The following REEP3 variants were observed in gnomAD, a reference collection of about 807,000 sequenced individuals.
REEP3 encodes receptor accessory protein 3.
REEP3 carries 20 observed loss-of-function variants against 41.3 expected under a neutral mutation model. The observed-to-expected ratio is 0.48, with a 90% CI of 0.34 to 0.70. The LOEUF is 0.70. REEP3 is among the 30% of genes least tolerant of loss of function. The pLI is 0.01. For synonymous variants in REEP3, 104 were observed against 101.8 expected (o/e 1.02, Z -0.13); for missense variants, 271 against 308.8 (o/e 0.88, Z 0.92).
chr10:63,594,320 A>G (rs10761788), intron 2 of REEP3, among the ~76,000 whole-genome samples: 109,254 of 151,942 alleles, frequency 0.72, 39,644 homozygotes, highest in East Asian at 0.98. Context: ...CTGGAAGGTC[A>G]AGGCTGCAGT....
chr10:63,556,106 T>A (rs1318307163), intron 1 of REEP3, among the ~76,000 whole-genome samples: 1 of 152,050 alleles, frequency 6.6e-6, no homozygotes, highest in Non-Finnish European at 1.5e-5. Context: ...GGATTCCTCA[T>A]TGAGATTAAG....
chr10:63,608,128 C>T (rs912897789), intron 5 of REEP3, among the ~76,000 whole-genome samples: 2 of 152,106 alleles, frequency 1.3e-5, no homozygotes, highest in African/African-American at 4.8e-5. Flanking sequence ...ACAAGGCATC[C>T]GTTTCAGATG....
chr10:63,617,632 T>G (rs1956321325), intron 6 of REEP3, among the ~76,000 whole-genome samples: 1 of 151,944 alleles, frequency 6.6e-6, no homozygotes, highest in Non-Finnish European at 1.5e-5. Context: ...ACTCCTAAGC[T>G]TAAGCGAACC....
At chr10:63,521,619 AG>A (rs1190846726) in intron 1 of REEP3, 42 bp downstream of exon 1, 2 of 1,355,580 alleles carry the variant, frequency 1.5e-6, no homozygotes, top group Non-Finnish European at 1.9e-6. Context: ...CGCGAGGCCC[AG>A]GGGAGCTGTG....
chr10:63,619,873 T>A lies in REEP3; in HGVS notation c.711+73T>A. On this transcript the variant is annotated intron_variant, in intron 7 of 7. Coordinates refer to ENST00000373758, the MANE Select transcript of REEP3 (RefSeq NM_001001330.3). ...CCTGCTGTGTTATCATTTAGGATAT[T>A]AATGATCCATAAATGAAGGATTGGA... The A allele has an allele frequency of 1.1e-5, 13 of 1,195,516 alleles. No homozygotes were observed. The South Asian group carries it at 2.1e-4, about 19-fold the overall frequency. The allele number at this position is 1,195,516 out of a possible 1,614,324, so 74.1% of individuals were successfully genotyped here.
chr10:63,595,027 T>A (rs1956100808), intron 3 of REEP3, among the ~76,000 whole-genome samples, 173 bp downstream of exon 3: 1 of 152,146 alleles, frequency 6.6e-6, no homozygotes, highest in Non-Finnish European at 1.5e-5. Flanking sequence ...TTAGTCCCCA[T>A]CAAATAAAGG....
intron 1 of REEP3, among the ~76,000 whole-genome samples, chr10:63,559,859 A>G (rs1383703962): frequency 5.3e-5 from 8 of 152,168 alleles, no homozygotes; most frequent in Admixed American, 5.2e-4. Flanking sequence ...GTAGGAAAGG[A>G]TTTGAATGAT....
chr10:63,584,100 T>C (rs1955980833), intron 2 of REEP3, among the ~76,000 whole-genome samples: 1 of 152,216 alleles, frequency 6.6e-6, no homozygotes, highest in African/African-American at 2.4e-5. Context: ...CAGTGCAATG[T>C]TGCGACAGAG....
intron 3 of REEP3, among the ~76,000 whole-genome samples, chr10:63,597,689 A>C (rs1329338830): frequency 2.0e-5 from 3 of 152,192 alleles, no homozygotes; most frequent in Admixed American, 1.3e-4. Context: ...AGGTGGGCGG[A>C]TCACATGAGG....
At chr10:63,566,624 A>AT (rs1403331483) in intron 2 of REEP3, among the ~76,000 whole-genome samples, 1 of 152,222 alleles carries the variant, frequency 6.6e-6, no homozygotes, top group Non-Finnish European at 1.5e-5. Flanking sequence ...AAGATGAGTA[A>AT]TTGAATAGGT....
At chr10:63,576,626 G>A (rs965433261) in intron 2 of REEP3, among the ~76,000 whole-genome samples, 1 of 152,208 alleles carries the variant, frequency 6.6e-6, no homozygotes, top group African/African-American at 2.4e-5. Context: ...GTTTAGGACT[G>A]TGTGTTAGTC....
At chr10:63,597,650 G>A (rs1179156426) in intron 3 of REEP3, among the ~76,000 whole-genome samples, 3 of 152,168 alleles carry the variant, frequency 2.0e-5, no homozygotes, top group African/African-American at 7.2e-5. Flanking sequence ...TGTGGCTCAC[G>A]CCTGTAATCC....
At position 63,620,816 on chromosome 10, in the gene REEP3, C is replaced by CGGT. The variant is rs748904828; in HGVS notation, c.716_718dup (p.Arg239_Tyr240insTrp). 4 of 1,597,510 alleles carry CGGT rather than the reference C, an allele frequency of 2.5e-6. No individual in the cohort carries two copies. In the East Asian group the frequency reaches 9.0e-5, roughly 36 times the overall value. On this transcript the variant is annotated inframe_insertion, in exon 8 of 8. Transcript: ENST00000373758. ...AATAAAACATTTCTCTCTTCAGGTG[C>CGGT]GGTACGGGTCACTAAAATACAAAGT...
chr10:63,589,785 C>CTTTTT (rs59658061), intron 2 of REEP3, among the ~76,000 whole-genome samples: 4,024 of 80,564 alleles, frequency 0.05, 646 homozygotes, highest in Middle Eastern at 0.068. Context: ...AGCAGAACAT[C>CTTTTT]TTTTTTTTTT....
At chr10:63,595,326 CCAAATAGACGAGG>C (rs1344750559) in intron 3 of REEP3, among the ~76,000 whole-genome samples, 5 of 152,192 alleles carry the variant, frequency 3.3e-5, no homozygotes, top group Admixed American at 6.5e-5. Context: ...CTGCTCTGTT[CCAAATAGACGAGG>C]CAAAATTAAA....
chr10:63,522,498 A>G (rs761361418), intron 1 of REEP3, among the ~76,000 whole-genome samples: 1 of 152,180 alleles, frequency 6.6e-6, no homozygotes, highest in Non-Finnish European at 1.5e-5. Context: ...TCACCAAGTA[A>G]ACAATGACGT....
intron 1 of REEP3, among the ~76,000 whole-genome samples, chr10:63,549,492 C>T (rs1955608298): frequency 6.6e-6 from 1 of 152,178 alleles, no homozygotes; most frequent in Non-Finnish European, 1.5e-5. Flanking sequence ...CCCTTGAGCC[C>T]AGATTTTGAG....
chr10:63,610,131 T>A, intron 5 of REEP3, 56 bp from the exon 6 acceptor site: 1 of 1,430,846 alleles, frequency 7.0e-7, no homozygotes, highest in Non-Finnish European at 9.6e-7. Flanking sequence ...CAGGGATAGT[T>A]AAATGTAAGC....
rs1234510273 is a variant in REEP3, at chr10:63,598,237, T to G, written c.303+93T>G. The G allele has an allele frequency of 2.3e-6, 2 of 855,270 alleles. 1 individual carries two copies. Among genetic ancestry groups the G allele is most frequent in the South Asian group, 3.8e-5 (2 of 52,608 alleles). 53.0% of individuals were successfully genotyped at this position (855,270 alleles called of 1,614,324 possible). Reference sequence around the variant, plus strand: ...GCTCACACCTGTAATCCCAGCACTTTGGGAGGCTGAGGTGGGTGGATCACT... The same window carrying G: ...GCTCACACCTGTAATCCCAGCACTTGGGGAGGCTGAGGTGGGTGGATCACT... On this transcript the variant is annotated intron_variant, in intron 4 of 7. Transcript: ENST00000373758.
Sources: allele counts gnomAD v4.1 joint callset (sites outside exome capture counted in the v4.1 genomes callset), GRCh38; gene constraint gnomAD v4.1.1; transcripts MANE v1.5; gene names NCBI Gene and HGNC (gene_info 2026-07-23, HGNC 2026-07-21).